Variants in CSMD1 observed in about 807,000 individuals in gnomAD.
CSMD1 encodes CUB and Sushi multiple domains 1, also known as CUB and sushi domain-containing protein 1.
Under a neutral mutation model 417.5 loss-of-function variants are expected in CSMD1, and 213 were observed. The observed-to-expected ratio is 0.51, with a 90% CI of 0.46 to 0.57. The LOEUF (loss-of-function observed/expected upper bound fraction) is 0.57, where lower values mean the gene tolerates loss of function less well. CSMD1 is among the 20% of genes least tolerant of loss of function. CSMD1 has a pLI of 0.00. For synonymous variants in CSMD1, 2,862 were observed against 1,736.8 expected, an observed-to-expected ratio of 1.65 and a Z score of -16.11; for missense variants, 6,923 against 4,529.7, an observed-to-expected ratio of 1.53 and a Z score of -15.17.
intron 5 of CSMD1, among the ~76,000 whole-genome samples, chr8:3,924,529 T>G (rs148715553): frequency 6.8e-4 from 103 of 152,320 alleles, no homozygotes; most frequent in Admixed American, 4.1e-3. Context: ...AGAAGCTCGG[T>G]GGACTTGCTT....
intron 3 of CSMD1, among the ~76,000 whole-genome samples, chr8:4,321,168 G>T (rs574552607): frequency 1.3e-5 from 2 of 151,918 alleles, no homozygotes; most frequent in South Asian, 2.1e-4. Context: ...CTGTCACCTC[G>T]CACAGTGATC....
At chr8:4,495,540 A>G (rs1373536777) in intron 2 of CSMD1, among the ~76,000 whole-genome samples, 1 of 152,094 alleles carries the variant, frequency 6.6e-6, no homozygotes, top group East Asian at 1.9e-4. Context: ...TCGCCACTGC[A>G]CTCTAGCCTG....
intron 23 of CSMD1, among the ~76,000 whole-genome samples, chr8:3,310,647 T>C (rs1805260576): frequency 6.6e-6 from 1 of 152,208 alleles, no homozygotes; most frequent in South Asian, 2.1e-4. Context: ...TCTATCCCTA[T>C]GATCAGTACC....
chr8:3,628,262 A>C (rs1796592651), intron 7 of CSMD1, among the ~76,000 whole-genome samples: 1 of 152,108 alleles, frequency 6.6e-6, no homozygotes, highest in Non-Finnish European at 1.5e-5. Context: ...TCTTTCTTTA[A>C]AGAGAAAAAC....
intron 11 of CSMD1, among the ~76,000 whole-genome samples, chr8:3,481,489 G>C (rs536716331): frequency 2.0e-5 from 3 of 152,270 alleles, no homozygotes; most frequent in Non-Finnish European, 4.4e-5. Flanking sequence ...ATTAGTTGTA[G>C]TAAGATAAAT....
At chr8:4,396,941 G>T (rs557947975) in intron 3 of CSMD1, among the ~76,000 whole-genome samples, 1 of 151,958 alleles carries the variant, frequency 6.6e-6, no homozygotes, top group Non-Finnish European at 1.5e-5. Context: ...TACACTGCCT[G>T]GGTGATGAGT....
intron 3 of CSMD1, among the ~76,000 whole-genome samples, chr8:4,039,195 G>A (rs892655018): frequency 6.6e-6 from 1 of 152,134 alleles, no homozygotes; most frequent in African/African-American, 2.4e-5. Flanking sequence ...CTGGAATCTA[G>A]GTCCCTTAGG....
intron 3 of CSMD1, among the ~76,000 whole-genome samples, chr8:4,366,857 G>C (rs560082422): frequency 1.3e-5 from 2 of 152,186 alleles, no homozygotes; most frequent in African/African-American, 4.8e-5. Context: ...CTTTTGAGAA[G>C]TGCCTGTTCA....
In CSMD1 at chr8:4,263,051, A is replaced by G. The variant is rs576009070; in HGVS notation, c.415+156902T>C. ...CTAATGAATGTTAGAACAGAATTGT[A>G]TTCTCTATGAGAACACTTTTAATGA... On this transcript the variant is annotated intron_variant, in intron 3 of 69. Transcript: ENST00000635120. Among the ~76,000 whole-genome samples the G allele has an allele frequency of 2.4e-4, 36 of 152,322 alleles. No homozygotes were observed. In the Middle Eastern group the frequency reaches 0.014, roughly 58 times the overall value.
At chr8:4,643,979 G>A (rs981775990) in intron 1 of CSMD1, among the ~76,000 whole-genome samples, 7 of 152,138 alleles carry the variant, frequency 4.6e-5, no homozygotes, top group African/African-American at 1.7e-4. Flanking sequence ...TAGGGTACTT[G>A]GTTGGGTTTT....
intron 3 of CSMD1, among the ~76,000 whole-genome samples, chr8:4,114,902 T>C (rs1418595222): frequency 6.6e-6 from 1 of 152,182 alleles, no homozygotes; most frequent in African/African-American, 2.4e-5. Flanking sequence ...TTCTTCCAGA[T>C]AAGATAGGAA....
intron 3 of CSMD1, among the ~76,000 whole-genome samples, chr8:4,137,851 T>C (rs1162842426): frequency 7.1e-6 from 1 of 140,084 alleles, no homozygotes; most frequent in Non-Finnish European, 1.6e-5. Flanking sequence ...TTTTACCTTT[T>C]GGATGCCTTA....
chr8:4,005,966 C>A (rs531243524), intron 4 of CSMD1, among the ~76,000 whole-genome samples: 2 of 152,054 alleles, frequency 1.3e-5, no homozygotes, highest in African/African-American at 4.8e-5. Context: ...TCAATACATA[C>A]GAAAACTAAT....
intron 5 of CSMD1, among the ~76,000 whole-genome samples, chr8:3,777,159 C>CACAT (rs1563069511): frequency 7.8e-6 from 1 of 127,408 alleles, no homozygotes; most frequent in African/African-American, 2.9e-5. Flanking sequence ...CACACACACA[C>CACAT]ATCATATATA....
chr8:3,282,734 A>T (rs1214169085), intron 26 of CSMD1, among the ~76,000 whole-genome samples: 1 of 152,112 alleles, frequency 6.6e-6, no homozygotes, highest in Non-Finnish European at 1.5e-5. Context: ...AGAGGTAAGA[A>T]ATTGTGCAGA....
chr8:4,972,524 G>A (rs114350238), intron 1 of CSMD1, among the ~76,000 whole-genome samples: 2 of 152,090 alleles, frequency 1.3e-5, no homozygotes, highest in African/African-American at 2.4e-5. Context: ...TGCCATGATT[G>A]TAAGTTTCCT....
chr8:3,499,692 G>C (rs755697312), intron 10 of CSMD1, among the ~76,000 whole-genome samples: 11 of 151,982 alleles, frequency 7.2e-5, no homozygotes, highest in Non-Finnish European at 1.3e-4. Context: ...TTGTGGTATA[G>C]GGTACTTCAT....
In CSMD1 at chr8:4,848,383, G is replaced by C. The variant is rs146369918; in HGVS notation, c.85+145949C>G. On this transcript the variant is annotated intron_variant, in intron 1 of 69. Coordinates refer to ENST00000635120, the MANE Select transcript of CSMD1 (RefSeq NM_033225.6). The stretch of plus-strand genomic sequence containing the variant: ...ATGGTGGTCACGTAAGATTATAGTG[G>C]AGCTGAAAAATTCCTATGAGCTAGT... 4.0e-3 allele frequency among the ~76,000 whole-genome samples: 613 copies of C among 152,282 alleles called. 2 individuals carry two copies. Among genetic ancestry groups the C allele is most frequent in the Non-Finnish European group, 6.4e-3 (433 of 68,028 alleles).
In CSMD1 at chr8:2,955,740, C is replaced by T. The variant is rs759034746; in HGVS notation, c.9843G>A (p.Pro3281=). 30 of 1,613,640 alleles carry T rather than the reference C, an allele frequency of 1.9e-5. No homozygotes were observed. Among genetic ancestry groups the T allele is most frequent in the Middle Eastern group, 3.3e-4 (2 of 6,084 alleles). ...CGATGGCTCTCACATCCGCGTGTGC[C>T]GGGGTTTCTGGCTGTCTGCAGGCAT... ...IPHACRQPET[P]AHADVRAIDL... Residue 3281 remains proline (P), a synonymous_variant, in exon 64 of 70, where the codon CCG becomes CCA. Transcript: ENST00000635120.
Sources: gnomAD v4.1 joint callset for allele counts (sites outside exome capture counted in the v4.1 genomes callset) on GRCh38, gnomAD v4.1.1 for gene constraint, MANE v1.5 for transcripts, NCBI Gene and HGNC (gene_info 2026-07-23, HGNC 2026-07-21) for gene names.